The following MAGI3 variants were observed in gnomAD, a reference collection of about 807,000 sequenced individuals.
MAGI3 encodes membrane associated guanylate kinase, WW and PDZ domain containing 3, also known as membrane-associated guanylate kinase, WW and PDZ domain-containing protein 3.
In MAGI3, 43 loss-of-function variants were observed where a neutral mutation model predicts 121.8. That is an observed-to-expected ratio of 0.35 (90% confidence interval 0.28 to 0.46). MAGI3 has a LOEUF of 0.46. Among genes scored for constraint, MAGI3 ranks in the 20% least tolerant of loss-of-function variants. MAGI3 has a pLI of 1.00. For missense variants in MAGI3, 1,547 were observed against 1,797.3 expected (o/e 0.86, Z 2.52); for synonymous variants, 553 against 639.3 (o/e 0.86, Z 2.04).
At position 113,570,867 on chromosome 1, in the gene MAGI3, C is replaced by A. The variant is rs189701415; in HGVS notation, c.434-9675C>A. On this transcript the variant is annotated intron_variant, in intron 2 of 20. Coordinates refer to ENST00000307546, the MANE Select transcript of MAGI3 (RefSeq NM_001142782.2). ...TGCCTGTTCACTCTGATGATAGTTT[C>A]TTTTGCTGTGCAGAAGCTCTTTAGT... 5.5e-3 allele frequency among the ~76,000 whole-genome samples: 834 copies of A among 152,246 alleles called. 6 individuals are homozygous for A. The highest frequency in any genetic ancestry group is 0.019 in the African/African-American group (791 of 41,528).
At chr1:113,554,449 C>CTT (rs1044786533) in intron 2 of MAGI3, among the ~76,000 whole-genome samples, 1 of 144,552 alleles carries the variant, frequency 6.9e-6, no homozygotes, top group Non-Finnish European at 1.5e-5. Context: ...AAAAAGTGAA[C>CTT]TTTTTTTTTT....
intron 1 of MAGI3, among the ~76,000 whole-genome samples, chr1:113,546,588 C>T (rs1288379859): frequency 3.9e-5 from 6 of 151,902 alleles, no homozygotes; most frequent in Non-Finnish European, 7.4e-5. Context: ...CCAACTGCCT[C>T]GGCCTCCCAA....
intron 1 of MAGI3, among the ~76,000 whole-genome samples, chr1:113,463,944 C>T (rs1655153293): frequency 6.6e-6 from 1 of 151,998 alleles, no homozygotes; most frequent in Non-Finnish European, 1.5e-5. Context: ...TTACAGAGAT[C>T]AAATCAGTGT....
At chr1:113,432,691 T>C (rs1277606803) in intron 1 of MAGI3, among the ~76,000 whole-genome samples, 1 of 152,034 alleles carries the variant, frequency 6.6e-6, no homozygotes, top group Non-Finnish European at 1.5e-5. Context: ...AAAAATAAAT[T>C]TGGCTAACTT....
At chr1:113,551,476 T>A (rs1190620326) in intron 2 of MAGI3, among the ~76,000 whole-genome samples, 1 of 152,220 alleles carries the variant, frequency 6.6e-6, no homozygotes, top group Non-Finnish European at 1.5e-5. Flanking sequence ...CTCCTTAGCA[T>A]CGCATAAAAT....
Position 113,589,984 on chromosome 1 carries a change from G to A in MAGI3, c.764-500G>A, listed in dbSNP as rs547749137. 4.6e-5 allele frequency among the ~76,000 whole-genome samples: 7 copies of A among 152,216 alleles called. No homozygotes were observed. The South Asian group carries it at 1.5e-3, about 32-fold the overall frequency. ...AGCTTAGTATAGCAGGTGAGAGCATGGACCACTTAGATTCAGTTCATGGCT... is the reference window on the plus strand; with the variant it reads ...AGCTTAGTATAGCAGGTGAGAGCATAGACCACTTAGATTCAGTTCATGGCT... On this transcript the variant is annotated intron_variant, in intron 4 of 20. Transcript: ENST00000307546.
chr1:113,637,465 A>T (rs1209965615), intron 9 of MAGI3, among the ~76,000 whole-genome samples: 1 of 152,042 alleles, frequency 6.6e-6, no homozygotes, highest in East Asian at 1.9e-4. Context: ...TCTGTAAAGG[A>T]TTTTATTTCT....
At chr1:113,670,042 A>G (rs1647445069) in intron 16 of MAGI3, among the ~76,000 whole-genome samples, 1 of 147,422 alleles carries the variant, frequency 6.8e-6, no homozygotes, top group Non-Finnish European at 1.5e-5. Context: ...AGCCCACTCT[A>G]CTCCCACCCT....
intron 3 of MAGI3, among the ~76,000 whole-genome samples, chr1:113,584,967 C>CTTT (rs58296325): frequency 3.7e-5 from 5 of 135,746 alleles, no homozygotes; most frequent in African/African-American, 5.5e-5. Context: ...TAGATATTTC[C>CTTT]TTTTTTTTTT....
At chr1:113,468,963 A>G (rs948245126) in intron 1 of MAGI3, among the ~76,000 whole-genome samples, 2 of 152,172 alleles carry the variant, frequency 1.3e-5, no homozygotes, top group African/African-American at 4.8e-5. Flanking sequence ...TTGAATGAAT[A>G]ACATAGTCTC....
At chr1:113,512,694 C>T (rs901892371) in intron 1 of MAGI3, among the ~76,000 whole-genome samples, 2 of 152,136 alleles carry the variant, frequency 1.3e-5, no homozygotes, top group Non-Finnish European at 2.9e-5. Context: ...AAACTGGAAG[C>T]ATTCCCTTTG....
rs376052860 is a variant in MAGI3 at position 113,416,078 on chromosome 1, G to T, written c.316+24729G>T. Among the ~76,000 whole-genome samples, 1,093 of 122,568 alleles carry T rather than the reference G, an allele frequency of 8.9e-3. 8 individuals carry two copies. The highest frequency in any genetic ancestry group is 0.031 in the African/African-American group (1,032 of 32,830). 80.4% of individuals were successfully genotyped at this position (122,568 alleles called of 152,430 possible). On this transcript the variant is annotated intron_variant, in intron 1 of 20. Coordinates refer to ENST00000307546, the MANE Select transcript of MAGI3 (RefSeq NM_001142782.2). ...GACACATATTAATTATGTAATTAAT[G>T]ACACATATTAATTATGTAATTAATG... is the stretch of plus-strand genomic sequence containing the variant.
intron 1 of MAGI3, among the ~76,000 whole-genome samples, chr1:113,537,801 T>A (rs755850832): frequency 1.3e-5 from 2 of 152,374 alleles, no homozygotes; most frequent in African/African-American, 2.4e-5. Flanking sequence ...TATTGTCATG[T>A]TGCCTAGAAG....
At chr1:113,532,519 T>C (rs1658776000) in intron 1 of MAGI3, among the ~76,000 whole-genome samples, 2 of 152,150 alleles carry the variant, frequency 1.3e-5, no homozygotes, top group Admixed American at 1.3e-4. Context: ...GCTTTTTAAT[T>C]GTCAGTTGTC....
At chr1:113,537,553 C>T (rs1329631364) in intron 1 of MAGI3, among the ~76,000 whole-genome samples, 3 of 152,168 alleles carry the variant, frequency 2.0e-5, no homozygotes, top group African/African-American at 7.2e-5. Context: ...CTCACGTAAA[C>T]TGGGGATGTC....
intron 1 of MAGI3, among the ~76,000 whole-genome samples, chr1:113,473,020 G>C (rs1490896743): frequency 6.6e-6 from 1 of 152,154 alleles, no homozygotes; most frequent in Non-Finnish European, 1.5e-5. Flanking sequence ...AGCATATTCT[G>C]AATTTGAATT....
At chr1:113,468,705 T>C (rs1270864823) in intron 1 of MAGI3, among the ~76,000 whole-genome samples, 2 of 152,198 alleles carry the variant, frequency 1.3e-5, no homozygotes, top group Non-Finnish European at 2.9e-5. Context: ...TAATTATTGA[T>C]TACCCATTGC....
intron 5 of MAGI3, among the ~76,000 whole-genome samples, chr1:113,593,447 G>A (rs979003187): frequency 8.5e-5 from 13 of 152,122 alleles, no homozygotes; most frequent in Non-Finnish European, 1.0e-4. Context: ...GGAGCCTGAA[G>A]CAGGAGGATC....
At position 113,643,871 on chromosome 1, in the gene MAGI3, G is replaced by A. The variant is rs1652688155; in HGVS notation, c.1998+97G>A. 4.7e-6 allele frequency: 6 copies of A among 1,288,846 alleles called. No homozygotes were observed. The East Asian group carries it at 7.0e-5, about 15-fold the overall frequency. 79.8% of individuals were successfully genotyped at this position (1,288,846 alleles called of 1,614,324 possible). ...GGAGCTCACTGTGGTGATGATTATC[G>A]ACTGGGAGAAGTTAGGAGGCATGCT... is the stretch of plus-strand genomic sequence containing the variant. On this transcript the variant is annotated intron_variant, in intron 11 of 20. Coordinates refer to ENST00000307546, the MANE Select transcript of MAGI3 (RefSeq NM_001142782.2).
Sources: allele counts gnomAD v4.1 joint callset (sites outside exome capture counted in the v4.1 genomes callset), GRCh38; gene constraint gnomAD v4.1.1; transcripts MANE v1.5; gene names NCBI Gene and HGNC (gene_info 2026-07-23, HGNC 2026-07-21).